The following ZNF679 variants were observed in gnomAD, a reference collection of about 807,000 sequenced individuals.
ZNF679 encodes zinc finger protein 679, also known as hypothetical protein MGC42415.
In ZNF679, 10 loss-of-function variants were observed where a neutral mutation model predicts 13.4. That is an observed-to-expected ratio of 0.75 (90% CI 0.46 to 1.27). The LOEUF is 1.27. Ranked by LOEUF, ZNF679 falls within the 50% of genes most tolerant of loss-of-function variation. The pLI is 0.00. For missense variants in ZNF679, 525 were observed against 477.8 expected, an observed-to-expected ratio of 1.10 and a Z score of -0.92; for synonymous variants, 179 against 162.5, an observed-to-expected ratio of 1.10 and a Z score of -0.77.
chr7:64,245,886 A>G (rs746075748), intron 1 of ZNF679, among the ~76,000 whole-genome samples: 5 of 152,098 alleles, frequency 3.3e-5, no homozygotes, highest in Non-Finnish European at 7.4e-5. Flanking sequence ...GGTGCCTGTA[A>G]TCCCAGGTAC....
chr7:64,241,645 G>A, intron 1 of ZNF679, among the ~76,000 whole-genome samples: 1 of 152,182 alleles, frequency 6.6e-6, no homozygotes, highest in East Asian at 1.9e-4. Flanking sequence ...TCTGTAATAA[G>A]AACCCAGGAT....
At chr7:64,264,327 A>C (rs1788116604) in intron 4 of ZNF679, among the ~76,000 whole-genome samples, 1 of 152,072 alleles carries the variant, frequency 6.6e-6, no homozygotes, top group Admixed American at 6.6e-5. Flanking sequence ...ATTGATGTTG[A>C]TAATTATATC....
Position 64,260,255 on chromosome 7 carries a change from T to C in ZNF679, c.74T>C (p.Phe25Ser). The change falls in exon 3 of 5, where the codon TTC becomes TCC. Residue 25 changes from phenylalanine to serine, a missense_variant. Phe to Ser is a radical substitution (Grantham distance 155, BLOSUM62 -2). Coordinates refer to ENST00000421025, the MANE Select transcript of ZNF679 (RefSeq NM_153363.3). ...LLTFRDVVIE[F>S]SLEEWQCLDH... is the part of the protein sequence containing the mutation. ...ACATTCAGAGATGTAGTCATAGAATTCTCTCTGGAGGAGTGGCAATGCCTG... is the reference window on the plus strand; with the variant it reads ...ACATTCAGAGATGTAGTCATAGAATCCTCTCTGGAGGAGTGGCAATGCCTG... 1 of 1,610,076 alleles carries C rather than the reference T, an allele frequency of 6.2e-7. No homozygotes were observed. Among genetic ancestry groups the C allele is most frequent in the Non-Finnish European group, 8.5e-7 (1 of 1,179,022 alleles).
intron 2 of ZNF679, among the ~76,000 whole-genome samples, chr7:64,257,654 C>T (rs1284824946): frequency 6.6e-6 from 1 of 152,166 alleles, no homozygotes; most frequent in African/African-American, 2.4e-5. Context: ...TTCCCAAGTG[C>T]AGACCTACTC....
chr7:64,232,386 G>A (rs1259138057), intron 1 of ZNF679, among the ~76,000 whole-genome samples: 1 of 152,182 alleles, frequency 6.6e-6, no homozygotes, highest in Non-Finnish European at 1.5e-5. Context: ...ATACTCAGGA[G>A]CATACCTGTT....
At chr7:64,253,556 G>GT (rs1787968602) in intron 2 of ZNF679, among the ~76,000 whole-genome samples, 1 of 152,326 alleles carries the variant, frequency 6.6e-6, no homozygotes, top group African/African-American at 2.4e-5. Flanking sequence ...AGGTGTTGCT[G>GT]TTTTGGGTCA....
chr7:64,242,094 G>A (rs574489881), intron 1 of ZNF679, among the ~76,000 whole-genome samples: 5 of 152,310 alleles, frequency 3.3e-5, no homozygotes, highest in South Asian at 4.1e-4. Context: ...GTCCCAGTAG[G>A]GGAGTCACAG....
intron 2 of ZNF679, among the ~76,000 whole-genome samples, chr7:64,252,822 A>C (rs1001299973): frequency 6.6e-6 from 1 of 152,210 alleles, no homozygotes; most frequent in African/African-American, 2.4e-5. Context: ...GGTTCAAGTG[A>C]TTCTCTTGCC....
At chr7:64,238,069 A>G (rs936939873) in intron 1 of ZNF679, among the ~76,000 whole-genome samples, 1 of 152,166 alleles carries the variant, frequency 6.6e-6, no homozygotes, top group Non-Finnish European at 1.5e-5. Context: ...CTTCACACAC[A>G]ATTAAATAGT....
At chr7:64,260,601 G>A in intron 3 of ZNF679, among the ~76,000 whole-genome samples, 1 of 152,052 alleles carries the variant, frequency 6.6e-6, no homozygotes, top group East Asian at 1.9e-4. Flanking sequence ...AAATATCGTT[G>A]CCCACACCTT....
At chr7:64,236,973 GAAAAAGAAAGAAAGAAAGAAAGAAA>G (rs1787732351) in intron 1 of ZNF679, among the ~76,000 whole-genome samples, 2 of 53,640 alleles carry the variant, frequency 3.7e-5, no homozygotes, top group African/African-American at 7.9e-5. Flanking sequence ...AAGAAAGAAA[GAAAAAGAAAGAAAGAAAGAAAGAAA>G]GAAAAAGAAA....
At chr7:64,244,105 C>G (rs937637561) in intron 1 of ZNF679, among the ~76,000 whole-genome samples, 1 of 151,974 alleles carries the variant, frequency 6.6e-6, no homozygotes, top group Non-Finnish European at 1.5e-5. Context: ...CAAAAATTAG[C>G]CAGGTGTGGT....
chr7:64,257,529 C>A (rs1788019169), intron 2 of ZNF679, among the ~76,000 whole-genome samples: 4 of 152,120 alleles, frequency 2.6e-5, no homozygotes. Context: ...TAGCAACTCC[C>A]AGAGTATGAA....
intron 2 of ZNF679, among the ~76,000 whole-genome samples, chr7:64,251,269 T>A (rs753979692): frequency 6.6e-6 from 1 of 151,968 alleles, no homozygotes; most frequent in Non-Finnish European, 1.5e-5. Context: ...CTGGCCAACA[T>A]GATGAAACCC....
intron 2 of ZNF679, among the ~76,000 whole-genome samples, chr7:64,254,746 G>T (rs1787981712): frequency 6.6e-6 from 1 of 152,060 alleles, no homozygotes; most frequent in Non-Finnish European, 1.5e-5. Flanking sequence ...CTGACTCCAG[G>T]TGGTATCAGG....
intron 1 of ZNF679, among the ~76,000 whole-genome samples, chr7:64,235,347 GACAA>G (rs1163718529): frequency 6.9e-6 from 1 of 145,860 alleles, no homozygotes; most frequent in African/African-American, 2.5e-5. Context: ...AAAAAAAAAA[GACAA>G]ACCCACAAAA....
intron 4 of ZNF679, among the ~76,000 whole-genome samples, chr7:64,263,075 C>T (rs1250477084): frequency 6.6e-6 from 1 of 152,098 alleles, no homozygotes; most frequent in Non-Finnish European, 1.5e-5. Flanking sequence ...AAAAAATAGG[C>T]TGTATGATTT....
At chr7:64,242,202 G>A (rs1005167710) in intron 1 of ZNF679, among the ~76,000 whole-genome samples, 2 of 152,150 alleles carry the variant, frequency 1.3e-5, no homozygotes, top group Non-Finnish European at 2.9e-5. Context: ...GACTGCCTCT[G>A]AGTGTGAGAT....
chr7:64,262,348 C>G lies in ZNF679; in HGVS notation c.262+1419C>G, dbSNP rs183787080. On this transcript the variant is annotated intron_variant, in intron 4 of 4. Coordinates refer to ENST00000421025, the MANE Select transcript of ZNF679 (RefSeq NM_153363.3). ...TTGAAGTTTAGCCCAGTTAAATTTT[C>G]CTGTTCTTCTCTTTGTTGCTCATGC... Among the ~76,000 whole-genome samples the G allele has an allele frequency of 4.1e-4, 63 of 152,270 alleles. No individual in the cohort carries two copies. The East Asian group carries it at 9.6e-3, about 23-fold the overall frequency.
Sources: allele counts gnomAD v4.1 joint callset (sites outside exome capture counted in the v4.1 genomes callset), GRCh38; gene constraint gnomAD v4.1.1; transcripts MANE v1.5; gene names NCBI Gene and HGNC (gene_info 2026-07-23, HGNC 2026-07-21).